Variants in PAAF1 observed in about 807,000 individuals in gnomAD.
The protein encoded by PAAF1 is proteasomal ATPase-associated factor 1.
A neutral mutation model predicts 52.8 loss-of-function variants in PAAF1; 46 were observed. That is an observed-to-expected ratio of 0.87 (90% CI 0.69 to 1.11). PAAF1 has a LOEUF of 1.11. Among genes scored for constraint, PAAF1 ranks in the 50% most tolerant of loss-of-function variants. PAAF1 has a pLI of 0.00. For missense variants in PAAF1, 424 were observed against 477.4 expected (o/e 0.89, Z 1.04); for synonymous variants, 178 against 172.8 (o/e 1.03, Z -0.24).
In PAAF1 at chr11:73,926,816, T is replaced by A. The variant is rs1233641579; in HGVS notation, c.1102-469T>A. Among the ~76,000 whole-genome samples the A allele has an allele frequency of 3.3e-5, 5 of 152,182 alleles. No homozygotes were observed. The East Asian group carries it at 9.6e-4, about 29-fold the overall frequency. On this transcript the variant is annotated intron_variant, in intron 11 of 11. Coordinates refer to ENST00000310571, the MANE Select transcript of PAAF1 (RefSeq NM_025155.3). ...GCCTGGGGGGTTGAGAAAGTTGCCCTAGGTCATGCAGCTAGTTGGTAGTAA... is the reference window on the plus strand; with the variant it reads ...GCCTGGGGGGTTGAGAAAGTTGCCCAAGGTCATGCAGCTAGTTGGTAGTAA...
chr11:73,901,458 G>A (rs978383183), intron 6 of PAAF1, among the ~76,000 whole-genome samples: 58 of 152,104 alleles, frequency 3.8e-4, no homozygotes, highest in African/African-American at 1.4e-3. Flanking sequence ...ATAATTCCTT[G>A]ATCCTTCTTC....
intron 8 of PAAF1, among the ~76,000 whole-genome samples, chr11:73,915,775 C>T (rs543516189): frequency 3.3e-5 from 5 of 152,334 alleles, no homozygotes; most frequent in East Asian, 3.8e-4. Context: ...CTCCTGTGAT[C>T]GTCATCCAGA....
At chr11:73,901,753 A>G (rs551278405) in intron 6 of PAAF1, among the ~76,000 whole-genome samples, 4 of 151,984 alleles carry the variant, frequency 2.6e-5, no homozygotes, top group Non-Finnish European at 5.9e-5. Context: ...TATTTTTAGT[A>G]GAGATGGGGT....
At chr11:73,884,863 CT>C (rs1201853305) in intron 2 of PAAF1, among the ~76,000 whole-genome samples, 2,511 of 143,846 alleles carry the variant, frequency 0.017, 22 homozygotes, top group African/African-American at 0.034. Context: ...TTCTTTTATT[CT>C]TTTTTTTTTT....
Position 73,929,770 on chromosome 11 carries a change from G to C in PAAF1, c.*2408G>C, listed in dbSNP as rs1591150262. The C allele has an allele frequency of 1.3e-5, 2 of 152,308 alleles. No homozygotes were observed. The highest frequency in any genetic ancestry group is 4.8e-5 in the African/African-American group (2 of 41,454). The allele number at this position is 152,308 out of a possible 1,614,324, so 9.4% of individuals were successfully genotyped here. A position where few individuals can be genotyped will look rare whatever the true frequency, so the allele number is the denominator to read the frequency against. ...CTAAGAAGTCAGATTAAGAAAACAG[G>C]ATGAGGCTGGGCATGGTGGCTCACG... On this transcript the variant is annotated 3_prime_UTR_variant, in exon 12 of 12. Coordinates refer to ENST00000310571, the MANE Select transcript of PAAF1 (RefSeq NM_025155.3).
chr11:73,899,889 G>A (rs1949548568), intron 5 of PAAF1, among the ~76,000 whole-genome samples: 1 of 152,120 alleles, frequency 6.6e-6, no homozygotes, highest in Non-Finnish European at 1.5e-5. Flanking sequence ...CTGAATCTAT[G>A]GCTGAGCCTC....
chr11:73,893,503 G>A (rs1391978738), intron 4 of PAAF1, among the ~76,000 whole-genome samples: 1 of 150,942 alleles, frequency 6.6e-6, no homozygotes, highest in Non-Finnish European at 1.5e-5. Context: ...TTGGGAGGCC[G>A]AGGCAGGTGA....
At chr11:73,883,129 G>A (rs980417048) in intron 2 of PAAF1, among the ~76,000 whole-genome samples, 37 of 152,044 alleles carry the variant, frequency 2.4e-4, no homozygotes, top group African/African-American at 8.5e-4. Flanking sequence ...TTGAACTCCT[G>A]TGTTTATTTT....
Position 73,927,598 on chromosome 11 carries a change from T to C in PAAF1, c.*236T>C. Reference sequence around the variant, plus strand: ...TGTTCCAACTTCTCCTTGTATAAACTCACCCCAGCAACACAGGGCAAGGAT... The same window carrying C: ...TGTTCCAACTTCTCCTTGTATAAACCCACCCCAGCAACACAGGGCAAGGAT... On this transcript the variant is annotated 3_prime_UTR_variant, in exon 12 of 12. Transcript: ENST00000310571. 1 of 576,122 alleles carries C rather than the reference T, an allele frequency of 1.7e-6. No homozygotes were observed. The highest frequency in any genetic ancestry group is 3.1e-6 in the Non-Finnish European group (1 of 323,606). 35.7% of individuals were successfully genotyped at this position (576,122 alleles called of 1,614,324 possible).
chr11:73,884,463 C>T (rs926458535), intron 2 of PAAF1, among the ~76,000 whole-genome samples: 9 of 152,102 alleles, frequency 5.9e-5, no homozygotes, highest in African/African-American at 2.2e-4. Flanking sequence ...CCACTGCACT[C>T]CAGCCTGGGT....
Position 73,921,949 on chromosome 11 carries a change from T to G in PAAF1, c.1019-2666T>G, listed in dbSNP as rs1950230567. 28 of 955,374 alleles carry G rather than the reference T, an allele frequency of 2.9e-5. No homozygotes were observed. In the South Asian group the frequency reaches 3.6e-4, roughly 12 times the overall value. The allele number at this position is 955,374 out of a possible 1,614,324, so 59.2% of individuals were successfully genotyped here. A position where few individuals can be genotyped will look rare whatever the true frequency, so the allele number is the denominator to read the frequency against. On this transcript the variant is annotated intron_variant, in intron 10 of 11. Coordinates refer to ENST00000310571, the MANE Select transcript of PAAF1 (RefSeq NM_025155.3). ...GCTTTTGGAATTGCACTTCTGGAGT[T>G]CCTTCAGACACTCAGAAACGTAGAC...
At position 73,909,554 on chromosome 11, in the gene PAAF1, G is replaced by A. The variant is rs1316670658; in HGVS notation, c.688G>A (p.Asp230Asn). Residue 230 changes from aspartate (D) to asparagine (N), a missense_variant, in exon 7 of 12, where the codon GAC becomes AAC. Coordinates refer to ENST00000310571, the MANE Select transcript of PAAF1 (RefSeq NM_025155.3). The part of the protein sequence containing the change: ...SINGVAVGAA[D>N]NSINLGSPEQ... ...CAATGGAGTGGCGGTGGGTGCTGCT[G>A]ACAACTCCATAAACCTTGGCTCCCC... 1 of 1,614,016 alleles carries A rather than the reference G, an allele frequency of 6.2e-7. No individual in the cohort carries two copies. The highest frequency in any genetic ancestry group is 1.7e-5 in the Admixed American group (1 of 59,992).
chr11:73,917,260 C>A (rs1008106697), intron 9 of PAAF1, among the ~76,000 whole-genome samples: 1 of 152,076 alleles, frequency 6.6e-6, no homozygotes, highest in Admixed American at 6.6e-5. Context: ...ACCTCGTGAT[C>A]TGCCCGCCTC....
intron 2 of PAAF1, 88 bp downstream of exon 2, chr11:73,878,907 G>A: frequency 7.9e-7 from 1 of 1,272,536 alleles, no homozygotes; most frequent in Admixed American, 1.8e-5. Context: ...TCCTGGCCCA[G>A]CCTCCTTACA....
Position 73,918,956 on chromosome 11 carries a change from G to T in PAAF1, c.942G>T (p.Pro314=). The change falls in exon 10 of 12, where the codon CCG becomes CCT. Residue 314 remains proline (P), a synonymous_variant. Transcript: ENST00000310571. ...YQLDVRSPRA[P]VQVIHRSGAP... ...CCCTTTCTCTGAATCCTAGGGCTCCGGTACAAGTCATCCACAGATCAGGAG... is the reference window on the plus strand; with the variant it reads ...CCCTTTCTCTGAATCCTAGGGCTCCTGTACAAGTCATCCACAGATCAGGAG... 1 of 1,612,228 alleles carries T rather than the reference G, an allele frequency of 6.2e-7. No homozygotes were observed. The highest frequency in any genetic ancestry group is 8.5e-7 in the Non-Finnish European group (1 of 1,179,514).
At chr11:73,885,303 C>T (rs141178319) in intron 2 of PAAF1, among the ~76,000 whole-genome samples, 2,400 of 151,804 alleles carry the variant, frequency 0.016, 58 homozygotes, top group African/African-American at 0.055. Flanking sequence ...GCCACCACAC[C>T]TGGCTAATTT....
chr11:73,924,933 A>G (rs1012541901), intron 11 of PAAF1, among the ~76,000 whole-genome samples: 1 of 152,030 alleles, frequency 6.6e-6, no homozygotes, highest in Non-Finnish European at 1.5e-5. Flanking sequence ...CAGGTGGATC[A>G]CTTGAGGTCA....
In PAAF1 at chr11:73,914,495, C is replaced by T; in HGVS notation, c.810C>T (p.Ser270=). Residue 270 remains serine (S), a synonymous_variant, in exon 8 of 12, where the codon AGC becomes AGT. Transcript: ENST00000310571. ...DKKLQCLGLQ[S]RQLVFLFIGS... ...AACTTCAGTGCTTGGGACTACAGAG[C>T]AGGCAGCTGGCAAGTGGTTCCTATA... 2 of 1,613,940 alleles carry T rather than the reference C, an allele frequency of 1.2e-6. No homozygotes were observed. The highest frequency in any genetic ancestry group is 1.7e-6 in the Non-Finnish European group (2 of 1,179,886).
rs1012539874 is a variant in PAAF1, at chr11:73,887,347, C to G, written c.89-7C>G. 1 of 1,594,420 alleles carries G rather than the reference C, an allele frequency of 6.3e-7. No homozygotes were observed. Among genetic ancestry groups the G allele is most frequent in the African/African-American group, 1.4e-5 (1 of 73,946 alleles). Reference sequence around the variant, plus strand: ...TTTTTGAGACATGCTTCTTTTGTACCATATAGGGAAACCATCTTTGTATGG... The same window carrying G: ...TTTTTGAGACATGCTTCTTTTGTACGATATAGGGAAACCATCTTTGTATGG... On this transcript the variant is annotated splice_polypyrimidine_tract_variant and splice_region_variant and intron_variant, in intron 2 of 11. Transcript: ENST00000310571.
Sources: allele counts gnomAD v4.1 joint callset (sites outside exome capture counted in the v4.1 genomes callset), GRCh38; gene constraint gnomAD v4.1.1; transcripts MANE v1.5; gene names NCBI Gene and HGNC (gene_info 2026-07-23, HGNC 2026-07-21).